The following MME variants were observed in gnomAD, a reference collection of about 807,000 sequenced individuals.
The protein encoded by MME is neprilysin.
Under a neutral mutation model 113.2 loss-of-function variants are expected in MME, and 98 were observed. The ratio of observed to expected loss-of-function variants is 0.87; its 90% confidence interval spans 0.74 to 1.02. The LOEUF (loss-of-function observed/expected upper bound fraction) is 1.02. Ranked by LOEUF, MME falls within the 50% of genes least tolerant of loss-of-function variation. The pLI is 0.00. For synonymous variants in MME, 292 were observed against 300.6 expected, an observed-to-expected ratio of 0.97 and a Z score of 0.30; for missense variants, 836 against 896.0, an observed-to-expected ratio of 0.93 and a Z score of 0.86.
chr3:155,108,370 T>C (rs998589546), intron 3 of MME, among the ~76,000 whole-genome samples: 1 of 151,168 alleles, frequency 6.6e-6, no homozygotes, highest in Non-Finnish European at 1.5e-5. Flanking sequence ...CCGAGGCGGG[T>C]GGATTACCTG....
rs1415068460 is a variant in MME, at chr3:155,034,698, A to G, written c.-11+10374A>G. ...CTAGGGTCTTAATAAAATATCTAGC[A>G]GTCATTACTCGATATACTCACTGCC... On this transcript the variant is annotated intron_variant, in intron 1 of 22. Transcript: ENST00000492661. 6.6e-5 allele frequency among the ~76,000 whole-genome samples: 10 copies of G among 152,330 alleles called. No homozygotes were observed. In the South Asian group the frequency reaches 1.4e-3, roughly 22 times the overall value.
intron 3 of MME, among the ~76,000 whole-genome samples, chr3:155,096,282 G>A (rs950861544): frequency 2.0e-5 from 3 of 152,218 alleles, no homozygotes; most frequent in Admixed American, 6.5e-5. Flanking sequence ...ATTGGCTGCT[G>A]TCTAGCTCAA....
At chr3:155,141,942 A>G (rs1200294019) in intron 10 of MME, 49 bp from the exon 11 acceptor site, 1 of 1,609,870 alleles carries the variant, frequency 6.2e-7, no homozygotes, top group African/African-American at 1.3e-5. Flanking sequence ...CTTGGACCCA[A>G]GAAGAGAAAT....
In MME at chr3:155,030,572, C is replaced by CT. The variant is rs959868704; in HGVS notation, c.-11+6258dup. ...TATCTTTTATAAACACTTTATCCAG[C>CT]TTTTTTTTTTCTAGTTTAAACCAAG... On this transcript the variant is annotated intron_variant, in intron 1 of 22. Transcript: ENST00000492661. Among the ~76,000 whole-genome samples, 65 of 149,456 alleles carry CT rather than the reference C, an allele frequency of 4.3e-4. 1 individual carries two copies. The highest frequency in any genetic ancestry group is 3.1e-3 in the Admixed American group (46 of 14,934).
At chr3:155,041,007 C>T (rs1383725720) in intron 1 of MME, among the ~76,000 whole-genome samples, 2 of 152,276 alleles carry the variant, frequency 1.3e-5, no homozygotes, top group East Asian at 1.9e-4. Context: ...TATAAAGACT[C>T]TCTCTATATG....
intron 1 of MME, among the ~76,000 whole-genome samples, chr3:155,065,888 T>C (rs1225661137): frequency 6.6e-6 from 1 of 152,064 alleles, no homozygotes; most frequent in African/African-American, 2.4e-5. Context: ...ATATATACAC[T>C]GATGTTCCAA....
chr3:155,126,306 A>T (rs1475657932), intron 8 of MME, among the ~76,000 whole-genome samples: 3 of 151,812 alleles, frequency 2.0e-5, no homozygotes, highest in Non-Finnish European at 4.4e-5. Context: ...TTGTGTTCTT[A>T]TATCAAATTT....
At chr3:155,147,356 C>T (rs1159289380) in intron 15 of MME, 132 bp downstream of exon 15, 7 of 679,600 alleles carry the variant, frequency 1.0e-5, no homozygotes, top group South Asian at 9.6e-5. Flanking sequence ...AAGCCTTCAA[C>T]GCTGGTGCCA....
At chr3:155,072,236 C>G (rs1462352894) in intron 1 of MME, among the ~76,000 whole-genome samples, 2 of 151,690 alleles carry the variant, frequency 1.3e-5, no homozygotes, top group Non-Finnish European at 2.9e-5. Context: ...TGCCTCCATC[C>G]TTTCCCATCC....
intron 13 of MME, among the ~76,000 whole-genome samples, chr3:155,144,078 T>C (rs766536468): frequency 6.6e-6 from 1 of 152,196 alleles, no homozygotes; most frequent in African/African-American, 2.4e-5. Context: ...ATATTTTACA[T>C]TAGTTCTTCC....
At chr3:155,103,859 C>G (rs983195099) in intron 3 of MME, among the ~76,000 whole-genome samples, 2 of 152,308 alleles carry the variant, frequency 1.3e-5, no homozygotes, top group East Asian at 3.9e-4. Flanking sequence ...CACACAAATT[C>G]AAATTCCTAG....
intron 22 of MME, among the ~76,000 whole-genome samples, chr3:155,178,240 T>C (rs963807248): frequency 6.6e-6 from 1 of 152,048 alleles, no homozygotes; most frequent in African/African-American, 2.4e-5. Flanking sequence ...CTAGGAATCC[T>C]AAAAAACAAA....
At chr3:155,095,708 T>C (rs1198504375) in intron 3 of MME, among the ~76,000 whole-genome samples, 1 of 151,976 alleles carries the variant, frequency 6.6e-6, no homozygotes, top group Non-Finnish European at 1.5e-5. Context: ...AAAGCATTAA[T>C]CAAGCAGCTT....
chr3:155,066,927 A>T (rs1181447543), intron 1 of MME, among the ~76,000 whole-genome samples: 1 of 152,198 alleles, frequency 6.6e-6, no homozygotes, highest in Non-Finnish European at 1.5e-5. Context: ...TTACAGTGAG[A>T]TTTATCCTTA....
At chr3:155,168,355 T>A (rs1179322122) in intron 18 of MME, 137 bp from the exon 19 acceptor site, 1 of 806,852 alleles carries the variant, frequency 1.2e-6, no homozygotes. Flanking sequence ...TGAGGAGGGA[T>A]GACAGTCTCT....
chr3:155,181,591 G>T lies in MME; in HGVS notation c.*1132G>T, dbSNP rs959209530. ...AATAAATTGAAATTGTGAACTCATT[G>T]CTCCCTAAGACTGTGACAACTGTCT... On this transcript the variant is annotated 3_prime_UTR_variant, in exon 23 of 23. Coordinates refer to ENST00000360490, the MANE Select transcript of MME (RefSeq NM_007289.4). 1.3e-5 allele frequency: 2 copies of T among 152,080 alleles called. No homozygotes were observed. The highest frequency in any genetic ancestry group is 2.4e-5 in the African/African-American group (1 of 41,410). 9.4% of individuals were successfully genotyped at this position (152,080 alleles called of 1,614,324 possible).
intron 14 of MME, 101 bp from the exon 15 acceptor site, chr3:155,147,043 A>G (rs548138455): frequency 1.3e-6 from 1 of 767,460 alleles, no homozygotes; most frequent in Non-Finnish European, 2.3e-6. Context: ...TTTTATGAAC[A>G]GTATGGATCA....
At chr3:155,172,466 A>G in intron 21 of MME, 70 bp from the exon 22 acceptor site, 1 of 1,247,700 alleles carries the variant, frequency 8.0e-7, no homozygotes, top group Non-Finnish European at 1.2e-6. Flanking sequence ...CCTTCCCCTC[A>G]ACTTGCTCAA....
chr3:155,049,444 G>C (rs9917790), intron 1 of MME, among the ~76,000 whole-genome samples: 1 of 152,072 alleles, frequency 6.6e-6, no homozygotes, highest in East Asian at 1.9e-4. Context: ...ACAGAAGAGA[G>C]GAAGTAGCTT....
Sources: gnomAD v4.1 joint callset for allele counts (sites outside exome capture counted in the v4.1 genomes callset) on GRCh38, gnomAD v4.1.1 for gene constraint, MANE v1.5 for transcripts, NCBI Gene and HGNC (gene_info 2026-07-23, HGNC 2026-07-21) for gene names.